SYT1: variants seen among roughly 807,000 people sequenced by gnomAD.
SYT1 encodes the protein synaptotagmin-1.
A neutral mutation model predicts 44.8 loss-of-function variants in SYT1; 8 were observed. The ratio of observed to expected loss-of-function variants is 0.18; its 90% CI spans 0.10 to 0.32. The LOEUF (loss-of-function observed/expected upper bound fraction) is 0.32, where lower values mean the gene tolerates loss of function less well. SYT1 is among the 10% of genes least tolerant of loss of function. The pLI is 1.00. For synonymous variants in SYT1, 154 were observed against 188.8 expected (o/e 0.82, Z 1.51); for missense variants, 286 against 509.3 (o/e 0.56, Z 4.22).
At chr12:79,027,421 G>A (rs1340201389) in intron 2 of SYT1, among the ~76,000 whole-genome samples, 1 of 151,330 alleles carries the variant, frequency 6.6e-6, no homozygotes, top group Non-Finnish European at 1.5e-5. Flanking sequence ...TAGAAACACT[G>A]TCTATCATAT....
At chr12:79,266,013 A>T (rs950850441) in intron 4 of SYT1, among the ~76,000 whole-genome samples, 1 of 152,176 alleles carries the variant, frequency 6.6e-6, no homozygotes, top group Non-Finnish European at 1.5e-5. Context: ...AATCTGGAAA[A>T]GTTGATATTT....
intron 8 of SYT1, among the ~76,000 whole-genome samples, chr12:79,324,886 G>T (rs1469960834): frequency 1.3e-5 from 2 of 152,082 alleles, no homozygotes; most frequent in Non-Finnish European, 2.9e-5. Flanking sequence ...CTTATTAAAA[G>T]GTTTTCACTA....
chr12:78,904,771 A>G (rs1017476125), intron 1 of SYT1, among the ~76,000 whole-genome samples: 1 of 152,166 alleles, frequency 6.6e-6, no homozygotes, highest in Non-Finnish European at 1.5e-5. Flanking sequence ...TGTTCTAATA[A>G]CATACATACA....
chr12:78,996,434 G>C (rs1306307006), intron 2 of SYT1, among the ~76,000 whole-genome samples: 2 of 152,172 alleles, frequency 1.3e-5, no homozygotes, highest in Non-Finnish European at 1.5e-5. Context: ...TTAGAGAAAA[G>C]AATGAGATGG....
intron 3 of SYT1, among the ~76,000 whole-genome samples, chr12:79,206,443 G>T (rs756649796): frequency 1.2e-4 from 18 of 152,092 alleles, no homozygotes; most frequent in Non-Finnish European, 2.4e-4. Flanking sequence ...CGTACGTTGA[G>T]CAAATAACAA....
chr12:79,321,752 CA>C (rs1463168778), intron 8 of SYT1, among the ~76,000 whole-genome samples: 1 of 152,180 alleles, frequency 6.6e-6, no homozygotes, highest in Non-Finnish European at 1.5e-5. Flanking sequence ...AAACTCAGTA[CA>C]CAAGGACAAG....
chr12:79,100,955 T>C (rs1472813640), intron 3 of SYT1, among the ~76,000 whole-genome samples: 1 of 152,160 alleles, frequency 6.6e-6, no homozygotes, highest in Non-Finnish European at 1.5e-5. Flanking sequence ...AAAATAAGTA[T>C]GTTATTTCTA....
At position 78,952,501 on chromosome 12, in the gene SYT1, C is replaced by T. The variant is rs921630098; in HGVS notation, c.-216-25298C>T. Among the ~76,000 whole-genome samples the T allele has an allele frequency of 4.6e-5, 7 of 152,166 alleles. 1 individual carries two copies. In the South Asian group the frequency reaches 1.5e-3, roughly 32 times the overall value. ...TTATAGGTCCAGTTTGTTTCAAATT[C>T]GGCATGGACTGTCAGGATACCATGA... On this transcript the variant is annotated intron_variant, in intron 1 of 10. Coordinates refer to ENST00000261205, the MANE Select transcript of SYT1 (RefSeq NM_005639.3).
chr12:79,223,744 G>A (rs74331071), intron 4 of SYT1, among the ~76,000 whole-genome samples: 12,756 of 152,218 alleles, frequency 0.084, 704 homozygotes, highest in Middle Eastern at 0.15. Context: ...CCTGAAGCCT[G>A]GGGCTTTATG....
At chr12:79,165,497 C>T (rs1223430945) in intron 3 of SYT1, among the ~76,000 whole-genome samples, 2 of 151,912 alleles carry the variant, frequency 1.3e-5, no homozygotes, top group African/African-American at 4.8e-5. Flanking sequence ...TGATGGTTTA[C>T]TGTGAAGACT....
intron 9 of SYT1, chr12:79,393,370 G>C (rs1884745509): frequency 6.6e-6 from 1 of 152,152 alleles, no homozygotes; most frequent in Non-Finnish European, 1.5e-5. Flanking sequence ...GATCCTTGAG[G>C]AATCACCACA....
chr12:79,170,851 T>C (rs117260595), intron 3 of SYT1, among the ~76,000 whole-genome samples: 1,940 of 152,206 alleles, frequency 0.013, 20 homozygotes, highest in Non-Finnish European at 0.02. Flanking sequence ...CTTAAGACTT[T>C]AATCTATTTT....
intron 8 of SYT1, among the ~76,000 whole-genome samples, chr12:79,331,867 G>A (rs899303731): frequency 1.5e-4 from 23 of 151,982 alleles, no homozygotes; most frequent in African/African-American, 5.6e-4. Flanking sequence ...AAAGTTATCT[G>A]GTGAAATTGA....
intron 3 of SYT1, among the ~76,000 whole-genome samples, chr12:79,189,328 G>A (rs1872979345): frequency 6.6e-6 from 1 of 152,108 alleles, no homozygotes; most frequent in Non-Finnish European, 1.5e-5. Context: ...GATCATTGCA[G>A]TATCTACTAT....
intron 2 of SYT1, among the ~76,000 whole-genome samples, chr12:78,980,720 G>T (rs1869187932): frequency 1.3e-5 from 2 of 151,956 alleles, no homozygotes; most frequent in South Asian, 4.1e-4. Flanking sequence ...AAGAATCATT[G>T]AAAACAATAC....
intron 9 of SYT1, among the ~76,000 whole-genome samples, chr12:79,433,977 T>C (rs1018360699): frequency 4.6e-5 from 7 of 152,228 alleles, no homozygotes; most frequent in Non-Finnish European, 1.0e-4. Context: ...CATCCCTACA[T>C]TTTTAGTCAA....
Position 79,146,009 on chromosome 12 carries a change from G to A in SYT1, c.-17-71494G>A, listed in dbSNP as rs576374540. On this transcript the variant is annotated intron_variant, in intron 3 of 10. Transcript: ENST00000261205. Reference sequence around the variant, plus strand: ...CCTGACCTCGTGATCCGCCCGCCTCGGCCTCCCAAAGTGCTGGGATTACAG... The same window carrying A: ...CCTGACCTCGTGATCCGCCCGCCTCAGCCTCCCAAAGTGCTGGGATTACAG... 7.7e-3 allele frequency among the ~76,000 whole-genome samples: 1,170 copies of A among 152,046 alleles called. 9 individuals carry two copies. The highest frequency in any genetic ancestry group is 0.012 in the Non-Finnish European group (799 of 67,974).
chr12:79,336,406 T>C (rs1008862101), intron 8 of SYT1, among the ~76,000 whole-genome samples: 26 of 152,324 alleles, frequency 1.7e-4, no homozygotes, highest in Non-Finnish European at 3.4e-4. Flanking sequence ...ATTGGCACTT[T>C]TTCCCCTTTA....
At chr12:79,446,505 G>A (rs1180665697) in intron 10 of SYT1, among the ~76,000 whole-genome samples, 1 of 152,064 alleles carries the variant, frequency 6.6e-6, no homozygotes, top group Non-Finnish European at 1.5e-5. Flanking sequence ...TAACTTCCAT[G>A]TATTTAAATT....
Sources: allele counts gnomAD v4.1 joint callset (sites outside exome capture counted in the v4.1 genomes callset), GRCh38; gene constraint gnomAD v4.1.1; transcripts MANE v1.5; gene names NCBI Gene and HGNC (gene_info 2026-07-23, HGNC 2026-07-21).